PHKB: variants seen among roughly 807,000 people sequenced by gnomAD.
PHKB encodes phosphorylase b kinase regulatory subunit beta.
In PHKB, 122 loss-of-function variants were observed where a neutral mutation model predicts 152.1. The observed-to-expected ratio is 0.80, with a 90% CI of 0.69 to 0.93. The LOEUF is 0.93. Ranked by LOEUF, PHKB falls within the 40% of genes least tolerant of loss-of-function variation. PHKB has a pLI of 0.00. For synonymous variants in PHKB, 436 were observed against 464.9 expected (o/e 0.94, Z 0.80); for missense variants, 1,304 against 1,328.4 (o/e 0.98, Z 0.29).
intron 14 of PHKB, among the ~76,000 whole-genome samples, chr16:47,619,869 C>T (rs1972587276): frequency 6.6e-6 from 1 of 152,076 alleles, no homozygotes; most frequent in Non-Finnish European, 1.5e-5. Flanking sequence ...TACAGTTGTC[C>T]ACTAGGTATA....
intron 16 of PHKB, among the ~76,000 whole-genome samples, chr16:47,645,129 G>A (rs1056709740): frequency 7.2e-5 from 11 of 152,010 alleles, no homozygotes. Flanking sequence ...TGTCAGATGA[G>A]TAGGTTGCGA....
chr16:47,666,279 T>C (rs1973537855), intron 25 of PHKB, among the ~76,000 whole-genome samples: 1 of 152,174 alleles, frequency 6.6e-6, no homozygotes, highest in Non-Finnish European at 1.5e-5. Flanking sequence ...TTGAGATCAA[T>C]GCAGATGCTA....
chr16:47,650,487 G>T (rs1973215793), intron 18 of PHKB, 57 bp from the exon 19 acceptor site: 2 of 998,452 alleles, frequency 2.0e-6, no homozygotes, highest in Non-Finnish European at 3.2e-6. Flanking sequence ...TCATGGTTGA[G>T]CATCCTGTTC....
intron 1 of PHKB, among the ~76,000 whole-genome samples, chr16:47,461,665 A>T (rs1396376890): frequency 6.6e-6 from 1 of 152,022 alleles, no homozygotes; most frequent in African/African-American, 2.4e-5. Context: ...TGTGAGCCCC[A>T]CTCGGAAAGT....
intron 14 of PHKB, among the ~76,000 whole-genome samples, chr16:47,630,107 A>G (rs953206160): frequency 1.3e-5 from 2 of 152,108 alleles, no homozygotes; most frequent in Admixed American, 1.3e-4. Flanking sequence ...CGCACCAGCA[A>G]GGCACATGTA....
Position 47,667,152 on chromosome 16 carries a change from G to C in PHKB, c.2428-2063G>C, listed in dbSNP as rs180710887. Among the ~76,000 whole-genome samples, 31 of 152,154 alleles carry C rather than the reference G, an allele frequency of 2.0e-4. No individual in the cohort carries two copies. The East Asian group carries it at 4.8e-3, about 24-fold the overall frequency. Reference sequence around the variant, plus strand: ...TACTAATAAAAGATAAAAGATTCCTGCTGGGCATGGTGGCTCACACCTGTA... The same window carrying C: ...TACTAATAAAAGATAAAAGATTCCTCCTGGGCATGGTGGCTCACACCTGTA... On this transcript the variant is annotated intron_variant, in intron 25 of 30. Transcript: ENST00000323584.
At chr16:47,524,522 A>G (rs1048477997) in intron 6 of PHKB, among the ~76,000 whole-genome samples, 28 of 152,240 alleles carry the variant, frequency 1.8e-4, no homozygotes, top group Non-Finnish European at 4.1e-4. Context: ...TAATCCCAGC[A>G]CTTTGAGAGG....
At chr16:47,570,971 C>T (rs866270255) in intron 7 of PHKB, among the ~76,000 whole-genome samples, 1 of 151,368 alleles carries the variant, frequency 6.6e-6, no homozygotes. Flanking sequence ...TTTTTTCCCC[C>T]GTTAAGGATG....
chr16:47,503,474 A>C (rs1220810684), intron 4 of PHKB, among the ~76,000 whole-genome samples: 1 of 152,222 alleles, frequency 6.6e-6, no homozygotes, highest in East Asian at 1.9e-4. Context: ...AGTGAACTTT[A>C]GTTTAAAAAT....
At chr16:47,626,853 G>A (rs542165491) in intron 14 of PHKB, among the ~76,000 whole-genome samples, 4 of 152,182 alleles carry the variant, frequency 2.6e-5, no homozygotes, top group South Asian at 2.1e-4. Context: ...AGTCTCTCTC[G>A]TAGACCCCTC....
At chr16:47,695,758 A>G (rs1974136304) in intron 28 of PHKB, among the ~76,000 whole-genome samples, 1 of 152,154 alleles carries the variant, frequency 6.6e-6, no homozygotes, top group African/African-American at 2.4e-5. Flanking sequence ...CCATGCCCAG[A>G]TTTGGATTTT....
chr16:47,575,241 C>T (rs1305403064), intron 7 of PHKB, among the ~76,000 whole-genome samples: 1 of 152,182 alleles, frequency 6.6e-6, no homozygotes, highest in African/African-American at 2.4e-5. Flanking sequence ...AACACTGATA[C>T]ATTGTTGGTG....
rs1022149052 is a variant in PHKB, at chr16:47,648,182, C to T, written c.1609-351C>T. Among the ~76,000 whole-genome samples the T allele has an allele frequency of 2.6e-5, 4 of 151,814 alleles. No individual in the cohort carries two copies. In the South Asian group the frequency reaches 8.4e-4, roughly 32 times the overall value. On this transcript the variant is annotated intron_variant, in intron 16 of 30. Transcript: ENST00000323584. ...AAATTTAGTAGGAGATTATGGCCCT[C>T]GTTTTTAAAATGTTAAACAACTGGA...
chr16:47,461,457 C>T (rs1256219206), intron 1 of PHKB, 31 bp downstream of exon 1: 2 of 1,609,986 alleles, frequency 1.2e-6, no homozygotes, highest in Admixed American at 1.7e-5. Flanking sequence ...GCCCCCCACC[C>T]GAGTACCTTG....
intron 6 of PHKB, among the ~76,000 whole-genome samples, chr16:47,534,639 T>C (rs775425800): frequency 6.6e-6 from 1 of 152,184 alleles, no homozygotes; most frequent in Admixed American, 6.5e-5. Flanking sequence ...TTATACATAG[T>C]TCCAAAGCAT....
chr16:47,598,806 T>G, intron 13 of PHKB: 1 of 1,597,174 alleles, frequency 6.3e-7, no homozygotes, highest in African/African-American at 1.3e-5. Flanking sequence ...CTTCTAATTT[T>G]TTAACATCTG....
intron 1 of PHKB, chr16:47,463,983 C>T: frequency 6.2e-7 from 1 of 1,611,442 alleles, no homozygotes. Flanking sequence ...CTTCCGCTTT[C>T]TTAAGGTCTG....
rs1974207138 is a variant in PHKB at position 47,699,224 on chromosome 16, T to G, written c.3145-5T>G. On this transcript the variant is annotated splice_region_variant and splice_polypyrimidine_tract_variant and intron_variant, in intron 30 of 30. Coordinates refer to ENST00000323584, the MANE Select transcript of PHKB (RefSeq NM_000293.3). ...GAATGCCTTGCCTACTGTTTTCCTT[T>G]GTAGGATGACATGACTTCCTTTTAC... The G allele has an allele frequency of 6.2e-6, 10 of 1,613,932 alleles. No homozygotes were observed. Among genetic ancestry groups the G allele is most frequent in the Non-Finnish European group, 8.5e-6 (10 of 1,179,904 alleles).
rs542545786 is a variant in PHKB, at chr16:47,699,646, G to A, written c.*280G>A. The A allele has an allele frequency of 3.9e-4, 174 of 449,280 alleles. 3 individuals are homozygous for A. The highest frequency in any genetic ancestry group is 3.3e-3 in the South Asian group (146 of 44,280). The allele number at this position is 449,280 out of a possible 1,614,324, so 27.8% of individuals were successfully genotyped here. On this transcript the variant is annotated 3_prime_UTR_variant, in exon 31 of 31. Coordinates refer to ENST00000323584, the MANE Select transcript of PHKB (RefSeq NM_000293.3). ...ATAGTTTATGAATTGAAAATTTGCC[G>A]CTGCATGTTGTATGATCAAATAGTT... is the stretch of plus-strand genomic sequence containing the variant.
Sources: gnomAD v4.1 joint callset for allele counts (sites outside exome capture counted in the v4.1 genomes callset) on GRCh38, gnomAD v4.1.1 for gene constraint, MANE v1.5 for transcripts, NCBI Gene and HGNC (gene_info 2026-07-23, HGNC 2026-07-21) for gene names.